The following TXNL1 variants were observed in gnomAD, a reference collection of about 807,000 sequenced individuals.
TXNL1 encodes thioredoxin-like protein 1.
TXNL1 carries 14 observed loss-of-function variants against 35.5 expected under a neutral mutation model. That is an observed-to-expected ratio of 0.39 (90% CI 0.26 to 0.62). The LOEUF is 0.62. Among genes scored for constraint, TXNL1 ranks in the 20% least tolerant of loss-of-function variants. The probability of loss-of-function intolerance (pLI) is 0.47; values close to 1 mark genes in which losing one functional copy is unlikely to be tolerated. For missense variants in TXNL1, 263 were observed against 349.7 expected (o/e 0.75, Z 1.98); for synonymous variants, 110 against 115.5 (o/e 0.95, Z 0.31).
Position 56,628,000 on chromosome 18 carries a change from C to T in TXNL1, c.99-1543G>A, listed in dbSNP as rs141686770. ...AAACAAAGGACTTATACTTCTAATA[C>T]GTAAAGAACTCCTACAAAACAAGGA... On this transcript the variant is annotated intron_variant, in intron 1 of 7. Transcript: ENST00000217515. Among the ~76,000 whole-genome samples the T allele has an allele frequency of 1.5e-4, 23 of 152,022 alleles. No individual in the cohort carries two copies. In the East Asian group the frequency reaches 2.1e-3, roughly 14 times the overall value.
chr18:56,637,039 T>C (rs1404654419), intron 1 of TXNL1, among the ~76,000 whole-genome samples: 1 of 152,186 alleles, frequency 6.6e-6, no homozygotes, highest in African/African-American at 2.4e-5. Flanking sequence ...CTTTTAAATT[T>C]AGTAAATGCA....
rs1317179369 is a variant in TXNL1, at chr18:56,624,187, G to A, written c.369+101C>T. 4 of 1,292,204 alleles carry A rather than the reference G, an allele frequency of 3.1e-6. No individual in the cohort carries two copies. The South Asian group carries it at 7.0e-5, about 22-fold the overall frequency. The allele number at this position is 1,292,204 out of a possible 1,614,324, so 80.0% of individuals were successfully genotyped here. On this transcript the variant is annotated intron_variant, in intron 3 of 7. Transcript: ENST00000217515. ...TCTTATTTAAAAGTATTCTAAACCA[G>A]TAAGAGATAGAAGATGGAAACATAG...
chr18:56,625,013 A>T (rs1467222071), intron 2 of TXNL1, among the ~76,000 whole-genome samples: 1 of 152,198 alleles, frequency 6.6e-6, no homozygotes, highest in East Asian at 1.9e-4. Flanking sequence ...TCCTAGCTCC[A>T]CAATTGTATA....
intron 1 of TXNL1, 64 bp from the exon 2 acceptor site, chr18:56,626,521 T>C (rs1332834924): frequency 7.3e-7 from 1 of 1,377,436 alleles, no homozygotes; most frequent in Non-Finnish European, 1.0e-6. Context: ...CACTCGTCAA[T>C]TAAACATAAA....
At chr18:56,626,242 C>T in intron 2 of TXNL1, 119 bp downstream of exon 2, 1 of 1,458,700 alleles carries the variant, frequency 6.9e-7, no homozygotes, top group Non-Finnish European at 9.0e-7. Flanking sequence ...AACATAACAT[C>T]TTCCTATCTT....
At chr18:56,632,384 T>C (rs2024386058) in intron 1 of TXNL1, among the ~76,000 whole-genome samples, 1 of 152,236 alleles carries the variant, frequency 6.6e-6, no homozygotes, top group Non-Finnish European at 1.5e-5. Flanking sequence ...ATTGGTATTA[T>C]TAATTACATA....
chr18:56,606,657 G>T (rs897810499), intron 7 of TXNL1, among the ~76,000 whole-genome samples: 1 of 152,168 alleles, frequency 6.6e-6, no homozygotes, highest in African/African-American at 2.4e-5. Context: ...AAAAGGAAAA[G>T]TCACCTAGCT....
Position 56,626,163 on chromosome 18 carries a change from T to C in TXNL1, c.195+198A>G. On this transcript the variant is annotated intron_variant, in intron 2 of 7. Transcript: ENST00000217515. ...TATCAGAAGGTGATTAATACAAACC[T>C]GAAGCAATTAATAATGTGCTACTCT... 4 of 1,302,956 alleles carry C rather than the reference T, an allele frequency of 3.1e-6. No individual in the cohort carries two copies. In the South Asian group the frequency reaches 9.9e-5, roughly 32 times the overall value. 80.7% of individuals were successfully genotyped at this position (1,302,956 alleles called of 1,614,324 possible).
chr18:56,633,376 G>A (rs8098293), intron 1 of TXNL1, among the ~76,000 whole-genome samples: 12,847 of 150,278 alleles, frequency 0.085, 1,228 homozygotes, highest in African/African-American at 0.24. Flanking sequence ...GAACTCGGGA[G>A]GTGGAGCTTG....
rs558298278 is a variant in TXNL1 at position 56,599,411 on chromosome 18, C to T, written c.*3616G>A. 1 of 151,784 alleles carries T rather than the reference C, an allele frequency of 6.6e-6. No homozygotes were observed. The highest frequency in any genetic ancestry group is 1.9e-4 in the East Asian group (1 of 5,184). 9.4% of individuals were successfully genotyped at this position (151,784 alleles called of 1,614,324 possible). A position where few individuals can be genotyped will look rare whatever the true frequency, so the allele number is the denominator to read the frequency against. The stretch of plus-strand genomic sequence containing the variant: ...TAGTCAATATTTTAAAATTTATTTA[C>T]TATATGCATGTTATATATACTTGCT... On this transcript the variant is annotated 3_prime_UTR_variant, in exon 8 of 8. Coordinates refer to ENST00000217515, the MANE Select transcript of TXNL1 (RefSeq NM_004786.3).
intron 7 of TXNL1, chr18:56,609,475 T>TTAAGAA (rs2023955798): frequency 6.6e-6 from 1 of 151,882 alleles, no homozygotes; most frequent in Non-Finnish European, 1.5e-5. Flanking sequence ...AATGGCTAGC[T>TTAAGAA]GGTAAGAAGG....
At chr18:56,615,676 TAC>T (rs1292914355) in intron 5 of TXNL1, among the ~76,000 whole-genome samples, 3 of 152,154 alleles carry the variant, frequency 2.0e-5, no homozygotes, top group African/African-American at 7.2e-5. Context: ...GCTCAAAAGC[TAC>T]AGTTTTAGAA....
chr18:56,638,272 G>A, intron 1 of TXNL1, 71 bp downstream of exon 1: 3 of 1,470,420 alleles, frequency 2.0e-6, no homozygotes, highest in East Asian at 5.1e-5. Context: ...TAGGAAACCA[G>A]GGCCAACAAA....
chr18:56,603,060 G>T lies in TXNL1; in HGVS notation c.841-4C>A. 1 of 1,611,942 alleles carries T rather than the reference G, an allele frequency of 6.2e-7. No individual in the cohort carries two copies. Among genetic ancestry groups the T allele is most frequent in the Non-Finnish European group, 8.5e-7 (1 of 1,178,576 alleles). On this transcript the variant is annotated splice_polypyrimidine_tract_variant and splice_region_variant and intron_variant, in intron 7 of 7. Coordinates refer to ENST00000217515, the MANE Select transcript of TXNL1 (RefSeq NM_004786.3). ...TTTCTCCTTTTTTGCCAACTACCTAGAAAAACAAAAATAAGTTTATATGTA... is the reference window on the plus strand; with the variant it reads ...TTTCTCCTTTTTTGCCAACTACCTATAAAAACAAAAATAAGTTTATATGTA...
At chr18:56,626,781 G>A (rs1452374936) in intron 1 of TXNL1, among the ~76,000 whole-genome samples, 1 of 127,186 alleles carries the variant, frequency 7.9e-6, no homozygotes, top group Non-Finnish European at 1.6e-5. Context: ...TTACAGGCGT[G>A]AGCCACCAAG....
At chr18:56,616,391 A>G (rs1363763262) in intron 4 of TXNL1, 77 bp from the exon 5 acceptor site, 10 of 1,322,676 alleles carry the variant, frequency 7.6e-6, no homozygotes, top group South Asian at 5.3e-5. Context: ...CAGAATGAAA[A>G]TAACAGGCAA....
intron 1 of TXNL1, among the ~76,000 whole-genome samples, chr18:56,630,634 T>C (rs1000508333): frequency 6.6e-6 from 1 of 152,314 alleles, no homozygotes; most frequent in East Asian, 1.9e-4. Flanking sequence ...TCATCAATTA[T>C]TTACGAGCTA....
rs2024496409 is a variant in TXNL1 at position 56,638,539 on chromosome 18, G to A, written c.-99C>T. ...GGAAGGAGAGATGCTCAGGAAGGCC[G>A]AGGCCTGGACAGAAGAGGTGGCGAC... On this transcript the variant is annotated 5_prime_UTR_variant, in exon 1 of 8. Transcript: ENST00000217515. 1 of 1,292,080 alleles carries A rather than the reference G, an allele frequency of 7.7e-7. No homozygotes were observed. Among genetic ancestry groups the A allele is most frequent in the Non-Finnish European group, 1.1e-6 (1 of 940,244 alleles). 80.0% of individuals were successfully genotyped at this position (1,292,080 alleles called of 1,614,324 possible).
chr18:56,613,208 C>G (rs2024025763), intron 6 of TXNL1, among the ~76,000 whole-genome samples: 1 of 152,176 alleles, frequency 6.6e-6, no homozygotes, highest in Admixed American at 6.5e-5. Context: ...TAAATGAACA[C>G]ATACTTTAGC....
Sources: gnomAD v4.1 joint callset for allele counts (sites outside exome capture counted in the v4.1 genomes callset) on GRCh38, gnomAD v4.1.1 for gene constraint, MANE v1.5 for transcripts, NCBI Gene and HGNC (gene_info 2026-07-23, HGNC 2026-07-21) for gene names.